Variants in ANOS1 observed in about 807,000 individuals in gnomAD.
ANOS1 encodes anosmin-1.
In ANOS1, 6 loss-of-function variants were observed where a neutral mutation model predicts 59.0. The observed-to-expected ratio is 0.10, with a 90% confidence interval of 0.06 to 0.20. The LOEUF is 0.20. ANOS1 is among the 10% of genes least tolerant of loss of function. The probability of loss-of-function intolerance (pLI) is 1.00; values close to 1 mark genes in which losing one functional copy is unlikely to be tolerated. For synonymous variants in ANOS1, 217 were observed against 223.4 expected, an observed-to-expected ratio of 0.97 and a Z score of 0.25; for missense variants, 433 against 542.3, an observed-to-expected ratio of 0.80 and a Z score of 2.00.
At chrX:8,607,715 A>C (rs995746849) in intron 3 of ANOS1, among the ~76,000 whole-genome samples, 10 of 111,805 alleles carry the variant, frequency 8.9e-5, no homozygotes, top group African/African-American at 3.2e-4. Flanking sequence ...ATGCCAATGC[A>C]ATGTTCAGCC....
chrX:8,538,265 T>C (rs1382808523), intron 10 of ANOS1, among the ~76,000 whole-genome samples: 2 of 112,472 alleles, frequency 1.8e-5, no homozygotes, highest in Non-Finnish European at 3.7e-5. Context: ...GTTTCACAGA[T>C]ATTTCAAGAT....
chrX:8,640,606 A>AAAC (rs1359714950), intron 2 of ANOS1, among the ~76,000 whole-genome samples: 2 of 109,929 alleles, frequency 1.8e-5, no homozygotes, highest in African/African-American at 6.6e-5. Context: ...AAAAAAAAAA[A>AAAC]ACTGTTGGAA....
At chrX:8,642,731 G>A (rs955832074) in intron 2 of ANOS1, among the ~76,000 whole-genome samples, 12 of 111,250 alleles carry the variant, frequency 1.1e-4, no homozygotes, top group African/African-American at 3.6e-4. Flanking sequence ...CACATGGATC[G>A]GTATCTCTTA....
chrX:8,610,111 C>T (rs1344581673), intron 3 of ANOS1, among the ~76,000 whole-genome samples: 1 of 107,316 alleles, frequency 9.3e-6, no homozygotes, highest in Non-Finnish European at 1.9e-5. Context: ...TGGTTAAATT[C>T]CCAGGACCCT....
chrX:8,631,813 G>T (rs905485671), intron 2 of ANOS1, among the ~76,000 whole-genome samples: 7 of 112,057 alleles, frequency 6.2e-5, no homozygotes, highest in Admixed American at 5.7e-4. Context: ...ACAGCTTCCA[G>T]ATTTGAAAAC....
At chrX:8,649,296 C>T (rs1382242832) in intron 2 of ANOS1, among the ~76,000 whole-genome samples, 1 of 111,909 alleles carries the variant, frequency 8.9e-6, no homozygotes, top group Non-Finnish European at 1.9e-5. Context: ...CAAGTAAGAG[C>T]GAGAAGAGTC....
intron 3 of ANOS1, among the ~76,000 whole-genome samples, chrX:8,616,013 C>G (rs1169994344): frequency 4.8e-5 from 5 of 104,595 alleles, no homozygotes; most frequent in African/African-American, 1.7e-4. Context: ...GTTCACACCT[C>G]TTCCCACAAT....
intron 7 of ANOS1, among the ~76,000 whole-genome samples, chrX:8,569,952 T>C (rs1450494747): frequency 1.8e-5 from 2 of 111,523 alleles, no homozygotes; most frequent in Non-Finnish European, 3.8e-5. Flanking sequence ...AATGGTTCAA[T>C]GAAGATTTTA....
At chrX:8,611,449 A>G (rs1931056663) in intron 3 of ANOS1, among the ~76,000 whole-genome samples, 1 of 110,571 alleles carries the variant, frequency 9.0e-6, no homozygotes, top group African/African-American at 3.3e-5. Flanking sequence ...ACAATAAATT[A>G]AAAATTTGAT....
intron 6 of ANOS1, among the ~76,000 whole-genome samples, chrX:8,576,089 A>G (rs1443007612): frequency 2.7e-5 from 3 of 111,489 alleles, no homozygotes; most frequent in Non-Finnish European, 5.6e-5. Context: ...AGCCTGGATG[A>G]CAGAGTGAGA....
intron 9 of ANOS1, among the ~76,000 whole-genome samples, chrX:8,552,174 G>A (rs1190627216): frequency 8.9e-6 from 1 of 112,276 alleles, no homozygotes; most frequent in Non-Finnish European, 1.9e-5. Context: ...ACCAGAAAGG[G>A]TAAACTTACA....
chrX:8,612,699 G>A (rs1330246240), intron 3 of ANOS1, among the ~76,000 whole-genome samples: 11 of 110,089 alleles, frequency 1.0e-4, no homozygotes, highest in African/African-American at 3.6e-4. Context: ...AAATGCTAAC[G>A]ATAAAGGTGA....
At chrX:8,630,478 GA>G in intron 2 of ANOS1, among the ~76,000 whole-genome samples, 1 of 111,257 alleles carries the variant, frequency 9.0e-6, no homozygotes, top group Admixed American at 9.6e-5. Flanking sequence ...CATAAGAAAT[GA>G]AAAAAAGGAT....
chrX:8,555,979 C>T (rs1929942854), intron 8 of ANOS1, among the ~76,000 whole-genome samples: 2 of 112,388 alleles, frequency 1.8e-5, no homozygotes, highest in Non-Finnish European at 3.8e-5. Flanking sequence ...AGCAGCACAT[C>T]AGAAAGTTTA....
chrX:8,559,786 G>T (rs1930004922), intron 8 of ANOS1, among the ~76,000 whole-genome samples: 1 of 111,296 alleles, frequency 9.0e-6, no homozygotes, highest in African/African-American at 3.3e-5. Flanking sequence ...AGATTTTCCA[G>T]AGTGAATCAA....
At chrX:8,575,663 G>A (rs1201519567) in intron 6 of ANOS1, among the ~76,000 whole-genome samples, 6 of 111,812 alleles carry the variant, frequency 5.4e-5, no homozygotes, top group Non-Finnish European at 7.5e-5. Flanking sequence ...AGAAAACAAT[G>A]CATTAAAAGA....
chrX:8,545,409 A>AAGGAAGGAAGGAAGGAAGGAAGGAAGGC (rs745936247), intron 9 of ANOS1, among the ~76,000 whole-genome samples: 35 of 104,636 alleles, frequency 3.3e-4, no homozygotes, highest in African/African-American at 1.1e-3. Flanking sequence ...GGAAGGAAGG[A>AAGGAAGGAAGGAAGGAAGGAAGGAAGGC]AGGCAGGCAG....
chrX:8,564,060 T>C (rs1053310149), intron 8 of ANOS1, among the ~76,000 whole-genome samples: 1 of 111,314 alleles, frequency 9.0e-6, no homozygotes, highest in Non-Finnish European at 1.9e-5. Flanking sequence ...AGTGACTAAG[T>C]TGTCAGAGCA....
rs149431982 is a variant in ANOS1 at position 8,619,598 on chromosome X, G to A, written c.318+4010C>T. 4.0e-3 allele frequency among the ~76,000 whole-genome samples: 439 copies of A among 111,077 alleles called. 2 individuals carry two copies. Among genetic ancestry groups the A allele is most frequent in the African/African-American group, 0.013 (387 of 30,544 alleles). Reference sequence around the variant, plus strand: ...CAGCCTGGCAACAGAGCAAGACTCCGTCTCAAAAAAGAAAAAAAAGAAAAA... The same window carrying A: ...CAGCCTGGCAACAGAGCAAGACTCCATCTCAAAAAAGAAAAAAAAGAAAAA... On this transcript the variant is annotated intron_variant, in intron 3 of 13. Coordinates refer to ENST00000262648, the MANE Select transcript of ANOS1 (RefSeq NM_000216.4).
Sources: gnomAD v4.1 joint callset for allele counts (sites outside exome capture counted in the v4.1 genomes callset) on GRCh38, gnomAD v4.1.1 for gene constraint, MANE v1.5 for transcripts, NCBI Gene and HGNC (gene_info 2026-07-23, HGNC 2026-07-21) for gene names.